The following MYO16 variants were observed in gnomAD, a reference collection of about 807,000 sequenced individuals.
MYO16 encodes unconventional myosin-XVI.
MYO16 carries 94 observed loss-of-function variants against 205.3 expected under a neutral mutation model. The observed-to-expected ratio is 0.46, with a 90% CI of 0.39 to 0.54. The LOEUF (loss-of-function observed/expected upper bound fraction) is 0.54. Ranked by LOEUF, MYO16 falls within the 20% of genes least tolerant of loss-of-function variation. The pLI is 0.00. For synonymous variants in MYO16, 988 were observed against 954.0 expected (o/e 1.04, Z -0.66); for missense variants, 2,315 against 2,387.5 (o/e 0.97, Z 0.63).
intron 4 of MYO16, among the ~76,000 whole-genome samples, chr13:108,784,243 C>G (rs72652103): frequency 0.039 from 5,853 of 150,836 alleles, 257 homozygotes; most frequent in East Asian, 0.24. Context: ...TTTTTTTTTT[C>G]AAACTCTGAA....
chr13:108,847,363 A>G (rs1877576222), intron 10 of MYO16, among the ~76,000 whole-genome samples: 1 of 152,182 alleles, frequency 6.6e-6, no homozygotes, highest in African/African-American at 2.4e-5. Context: ...ATATTCACCC[A>G]GTAATATGCC....
chr13:108,675,509 TA>T (rs1427747329), intron 2 of MYO16, among the ~76,000 whole-genome samples: 1 of 152,222 alleles, frequency 6.6e-6, no homozygotes, highest in Non-Finnish European at 1.5e-5. Context: ...AATATTATTT[TA>T]ATTGTCTGCT....
At chr13:108,567,780 A>C in the MYO16 span, among the ~76,000 whole-genome samples, 1 of 152,084 alleles carries the variant, frequency 6.6e-6, no homozygotes, top group African/African-American at 2.4e-5. Context: ...GTTGTGCAAC[A>C]ATCACCACAA....
intron 2 of MYO16, among the ~76,000 whole-genome samples, chr13:108,696,313 A>G (rs905466534): frequency 2.0e-5 from 3 of 152,236 alleles, no homozygotes; most frequent in Non-Finnish European, 4.4e-5. Flanking sequence ...TTTAGAATAG[A>G]CAAAAAATAG....
intron 20 of MYO16, among the ~76,000 whole-genome samples, chr13:108,982,845 TTGTC>T (rs893747826): frequency 2.0e-5 from 3 of 152,150 alleles, no homozygotes; most frequent in African/African-American, 7.2e-5. Flanking sequence ...AAGTTTGAAA[TTGTC>T]AGTAACACTC....
intron 28 of MYO16, among the ~76,000 whole-genome samples, chr13:109,114,107 A>G (rs1239291505): frequency 6.6e-6 from 1 of 152,166 alleles, no homozygotes; most frequent in African/African-American, 2.4e-5. Flanking sequence ...GCAGCTTTGG[A>G]CAAACATTGG....
At chr13:108,668,775 G>T (rs966747908) in intron 2 of MYO16, among the ~76,000 whole-genome samples, 1 of 152,154 alleles carries the variant, frequency 6.6e-6, no homozygotes, top group Non-Finnish European at 1.5e-5. Flanking sequence ...GGCTATGCAG[G>T]TTCATCTCCT....
At chr13:109,134,912 C>A (rs1876702152) in intron 31 of MYO16, among the ~76,000 whole-genome samples, 2 of 152,234 alleles carry the variant, frequency 1.3e-5, no homozygotes, top group South Asian at 4.2e-4. Flanking sequence ...CAATTTGTAT[C>A]CCTCTGTCAT....
chr13:108,972,239 C>CTATA (rs1884047723), intron 20 of MYO16, among the ~76,000 whole-genome samples: 1 of 15,476 alleles, frequency 6.5e-5, no homozygotes, highest in African/African-American at 2.2e-4. Context: ...CTCTCTCTCT[C>CTATA]TCTCTCTCTC....
At chr13:108,529,533 C>A in the MYO16 span, among the ~76,000 whole-genome samples, 1 of 152,116 alleles carries the variant, frequency 6.6e-6, no homozygotes, top group African/African-American at 2.4e-5. Flanking sequence ...GTTCGCCGTG[C>A]ACATGAACTA....
chr13:109,169,627 T>TA (rs35221178), intron 33 of MYO16, among the ~76,000 whole-genome samples: 58,069 of 148,808 alleles, frequency 0.39, 12,788 homozygotes, highest in Non-Finnish European at 0.51. Flanking sequence ...AATACATTCT[T>TA]AAAAAAAAAA....
At chr13:108,631,436 T>C (rs1926514) in intron 1 of MYO16, among the ~76,000 whole-genome samples, 6,040 of 152,288 alleles carry the variant, frequency 0.04, 341 homozygotes, top group African/African-American at 0.13. Context: ...TTTCGGAAAA[T>C]TGTAGACATT....
chr13:109,054,969 C>G, intron 25 of MYO16, 77 bp from the exon 26 acceptor site: 1 of 856,852 alleles, frequency 1.2e-6, no homozygotes, highest in South Asian at 1.8e-5. Flanking sequence ...CCCCTTCCTC[C>G]CTCCTTTTCC....
the MYO16 span, among the ~76,000 whole-genome samples, chr13:108,497,460 G>A: frequency 6.6e-6 from 1 of 152,132 alleles, no homozygotes; most frequent in Non-Finnish European, 1.5e-5. Flanking sequence ...TGGATGTTTT[G>A]AAAACAGTAT....
At chr13:108,636,357 T>TGTGTGTGTG (rs1248370044) in intron 1 of MYO16, among the ~76,000 whole-genome samples, 1 of 60,726 alleles carries the variant, frequency 1.6e-5, no homozygotes, top group Non-Finnish European at 3.5e-5. Context: ...TTTTTTTTTT[T>TGTGTGTGTG]TTTTTTTTTT....
chr13:109,185,574 T>C (rs1426651848), intron 34 of MYO16, among the ~76,000 whole-genome samples: 1 of 152,236 alleles, frequency 6.6e-6, no homozygotes, highest in African/African-American at 2.4e-5. Context: ...TGGTCAAATC[T>C]ATTATATGTG....
chr13:109,035,002 C>T (rs1392180337), intron 23 of MYO16, among the ~76,000 whole-genome samples: 3 of 152,154 alleles, frequency 2.0e-5, no homozygotes, highest in African/African-American at 7.2e-5. Context: ...ATGAGTGTTT[C>T]TATAGGTTGA....
chr13:108,999,843 A>G (rs951006866), intron 21 of MYO16, among the ~76,000 whole-genome samples: 4 of 152,120 alleles, frequency 2.6e-5, no homozygotes, highest in African/African-American at 7.2e-5. Context: ...TTATTAGTAT[A>G]TATTTTCTAA....
chr13:108,907,430 G>C (rs1881041559), intron 15 of MYO16, among the ~76,000 whole-genome samples: 1 of 152,154 alleles, frequency 6.6e-6, no homozygotes, highest in Non-Finnish European at 1.5e-5. Flanking sequence ...AGCTCAGTTA[G>C]TAGAATGTTT....
Sources: gnomAD v4.1 joint callset for allele counts (sites outside exome capture counted in the v4.1 genomes callset) on GRCh38, gnomAD v4.1.1 for gene constraint, MANE v1.5 for transcripts, NCBI Gene and HGNC (gene_info 2026-07-23, HGNC 2026-07-21) for gene names.